SARM1: variants seen among roughly 807,000 people sequenced by gnomAD.
The protein encoded by SARM1 is sterile alpha and TIR motif containing 1.
SARM1 carries 60 observed loss-of-function variants against 65.1 expected under a neutral mutation model. The observed-to-expected ratio is 0.92, with a 90% confidence interval of 0.75 to 1.14. The LOEUF (loss-of-function observed/expected upper bound fraction) is 1.14. SARM1 is among the 50% of genes most tolerant of loss of function. The pLI, the probability that SARM1 is intolerant of heterozygous loss-of-function variation, is 0.00. For synonymous variants in SARM1, 417 were observed against 465.4 expected (o/e 0.90, Z 1.34); for missense variants, 913 against 1,015.7 (o/e 0.90, Z 1.37).
Position 28,372,493 on chromosome 17 carries a change from CTGAGAACCGG to C in SARM1, c.466_470+5del. On this transcript the variant is annotated splice_donor_variant and coding_sequence_variant, in exon 1 of 9. Transcript: ENST00000585482. LOFTEE classifies it high-confidence loss of function. The surrounding 1 kb of genome is among the most constrained non-coding windows in gnomAD (Gnocchi z 5.2). ...CGCCTGCTGGAGCAGATCCTGGTGG[CTGAGAACCGG>C]TGAGCGCGCCAGGCCGGGGTTGGGA... is the stretch of plus-strand genomic sequence containing the variant. The C allele has an allele frequency of 6.5e-7, 1 of 1,528,184 alleles. No individual in the cohort carries two copies. Among genetic ancestry groups the C allele is most frequent in the Non-Finnish European group, 8.7e-7 (1 of 1,144,510 alleles). 94.7% of individuals were successfully genotyped at this position (1,528,184 alleles called of 1,614,324 possible).
intron 7 of SARM1, among the ~76,000 whole-genome samples, chr17:28,392,998 G>A (rs2068088318): frequency 1.3e-5 from 2 of 152,238 alleles, no homozygotes; most frequent in African/African-American, 4.8e-5. Context: ...AAATCCCTTT[G>A]GTTCCCTCTT....
chr17:28,379,958 C>T (rs1385591810), intron 1 of SARM1, among the ~76,000 whole-genome samples: 2 of 151,642 alleles, frequency 1.3e-5, no homozygotes, highest in African/African-American at 4.8e-5. Context: ...TGTTTATGTC[C>T]TTTGCCCATT....
Position 28,384,787 on chromosome 17 carries a change from G to A in SARM1, c.1303-52G>A, listed in dbSNP as rs1555585711. ...TCCTTCCCTTGCATCTTGTGCTCGAGGTCCAAGGGCGGAGTAGCGAAGCCC... is the reference window on the plus strand; with the variant it reads ...TCCTTCCCTTGCATCTTGTGCTCGAAGTCCAAGGGCGGAGTAGCGAAGCCC... On this transcript the variant is annotated intron_variant, in intron 3 of 8. Transcript: ENST00000585482. The surrounding 1 kb of genome is among the most constrained non-coding windows in gnomAD (Gnocchi z 4.4). 3 of 1,493,250 alleles carry A rather than the reference G, an allele frequency of 2.0e-6. No homozygotes were observed. The highest frequency in any genetic ancestry group is 2.5e-5 in the East Asian group (1 of 40,592). The allele number at this position is 1,493,250 out of a possible 1,614,324, so 92.5% of individuals were successfully genotyped here.
chr17:28,383,926 G>T (rs1233663518), intron 2 of SARM1, among the ~76,000 whole-genome samples: 2 of 152,188 alleles, frequency 1.3e-5, no homozygotes, highest in Admixed American at 6.5e-5. Context: ...AAGAACTAAG[G>T]GTTTGGAAAC....
chr17:28,393,380 C>T (rs1017501810), intron 7 of SARM1, among the ~76,000 whole-genome samples: 3 of 152,018 alleles, frequency 2.0e-5, no homozygotes, highest in African/African-American at 7.2e-5. Flanking sequence ...GAAACCCCAT[C>T]TCTACTAAAA....
chr17:28,387,366 A>G (rs1270394198), intron 5 of SARM1, among the ~76,000 whole-genome samples: 2 of 151,734 alleles, frequency 1.3e-5, no homozygotes, highest in African/African-American at 4.8e-5. Flanking sequence ...CCAAGTAGCT[A>G]GATTACAGAC....
At chr17:28,395,836 C>A (rs2068114534) in intron 7 of SARM1, 69 bp from the exon 8 acceptor site, 2 of 1,592,390 alleles carry the variant, frequency 1.3e-6, no homozygotes, top group Admixed American at 3.3e-5. Flanking sequence ...GGCCTCCCAG[C>A]ACCTGCCTGG....
At chr17:28,376,990 A>G (rs1212760546) in intron 1 of SARM1, among the ~76,000 whole-genome samples, 1 of 152,058 alleles carries the variant, frequency 6.6e-6, no homozygotes, top group African/African-American at 2.4e-5. Flanking sequence ...GAGTTTCACC[A>G]TGTTGGCCAG....
In SARM1 at chr17:28,385,702, G is replaced by A. The variant is rs569722536; in HGVS notation, c.1630+427G>A. On this transcript the variant is annotated intron_variant, in intron 5 of 8. Transcript: ENST00000585482. This position sits in a 1 kb window ranked among gnomAD's most constrained non-coding sequence, Gnocchi z 4.5. ...GCGGCCTATGGAGAGTCCATGCAGT[G>A]GGGTGTAGGCGGGAAGGGTGTGCGT... Among the ~76,000 whole-genome samples, 1 of 152,244 alleles carries A rather than the reference G, an allele frequency of 6.6e-6. No individual in the cohort carries two copies. The highest frequency in any genetic ancestry group is 2.1e-4 in the South Asian group (1 of 4,814).
In SARM1 at chr17:28,384,606, G is replaced by C; in HGVS notation, c.1302+37G>C. On this transcript the variant is annotated intron_variant, in intron 3 of 8. Coordinates refer to ENST00000585482, the MANE Select transcript of SARM1 (RefSeq NM_015077.4). The surrounding 1 kb of genome is among the most constrained non-coding windows in gnomAD (Gnocchi z 4.4). ...TGGGATACGCCTCCCCCGAGTCAGA[G>C]CGGGCGCCCTGTGCACAGGGACTGC... is the stretch of plus-strand genomic sequence containing the variant. The C allele has an allele frequency of 6.5e-7, 1 of 1,533,112 alleles. No homozygotes were observed. The highest frequency in any genetic ancestry group is 8.8e-7 in the Non-Finnish European group (1 of 1,134,520). The allele number at this position is 1,533,112 out of a possible 1,614,324, so 95.0% of individuals were successfully genotyped here.
rs1555585362 is a variant in SARM1, at chr17:28,381,839, G to T, written c.1089+18G>T. 9 of 1,425,366 alleles carry T rather than the reference G, an allele frequency of 6.3e-6. No individual in the cohort carries two copies. Among genetic ancestry groups the T allele is most frequent in the Non-Finnish European group, 2.7e-6 (3 of 1,091,832 alleles). The allele number at this position is 1,425,366 out of a possible 1,614,324, so 88.3% of individuals were successfully genotyped here. ...AGACCAAGGTGGGTGCAGATGTGGGGTTGGGTGGATCAGGGGTTAGAGAGC... is the reference window on the plus strand; with the variant it reads ...AGACCAAGGTGGGTGCAGATGTGGGTTTGGGTGGATCAGGGGTTAGAGAGC... On this transcript the variant is annotated intron_variant, in intron 2 of 8. Transcript: ENST00000585482.
chr17:28,380,057 C>CTTTTTTTTTTTTTTTTTTTCTTTTTT (rs61029083), intron 1 of SARM1, among the ~76,000 whole-genome samples: 1 of 106,102 alleles, frequency 9.4e-6, no homozygotes, highest in East Asian at 2.7e-4. Context: ...TTTTTCTTTT[C>CTTTTTTTTTTTTTTTTTTTCTTTTTT]TTTTTTTTTT....
Position 28,398,921 on chromosome 17 carries a change from A to G in SARM1, c.*2635A>G, listed in dbSNP as rs2068162438. 6.6e-6 allele frequency: 1 copy of G among 152,272 alleles called. No individual in the cohort carries two copies. The highest frequency in any genetic ancestry group is 2.4e-5 in the African/African-American group (1 of 41,456). 9.4% of individuals were successfully genotyped at this position (152,272 alleles called of 1,614,324 possible). A position where few individuals can be genotyped will look rare whatever the true frequency, so the allele number is the denominator to read the frequency against. On this transcript the variant is annotated 3_prime_UTR_variant, in exon 9 of 9. Transcript: ENST00000585482. ...TGGCCCCACTTGGTACCAATCCACC[A>G]GGCAGCTCAGGGCTCCTGCCCAGCC...
At position 28,372,049 on chromosome 17, in the gene SARM1, TTC is replaced by T. The variant is rs1555584086; in HGVS notation, c.22_23del (p.Ser8ArgfsTer147). Reference sequence around the variant, plus strand: ...CCCGCGCCCATGGTCCTGACGCTGCTTCTCTCCGCCTACAAGCTGTGTCGCTT... The same window carrying T: ...CCCGCGCCCATGGTCCTGACGCTGCTTCTCCGCCTACAAGCTGTGTCGCTT... On this transcript the variant is annotated frameshift_variant, in exon 1 of 9. Coordinates refer to ENST00000585482, the MANE Select transcript of SARM1 (RefSeq NM_015077.4). LOFTEE classifies it high-confidence loss of function. The surrounding 1 kb of genome is among the most constrained non-coding windows in gnomAD (Gnocchi z 5.2). 5 of 1,506,336 alleles carry T rather than the reference TTC, an allele frequency of 3.3e-6. No homozygotes were observed. The South Asian group carries it at 4.9e-5, about 15-fold the overall frequency. The allele number at this position is 1,506,336 out of a possible 1,614,324, so 93.3% of individuals were successfully genotyped here. A position where few individuals can be genotyped will look rare whatever the true frequency, so the allele number is the denominator to read the frequency against.
At position 28,384,268 on chromosome 17, in the gene SARM1, T is replaced by G; in HGVS notation, c.1090-89T>G. 22 of 1,113,996 alleles carry G rather than the reference T, an allele frequency of 2.0e-5. No individual in the cohort carries two copies. Among genetic ancestry groups the G allele is most frequent in the Non-Finnish European group, 2.3e-5 (18 of 783,606 alleles). 69.0% of individuals were successfully genotyped at this position (1,113,996 alleles called of 1,614,324 possible). On this transcript the variant is annotated intron_variant, in intron 2 of 8. Transcript: ENST00000585482. The surrounding 1 kb of genome is among the most constrained non-coding windows in gnomAD (Gnocchi z 4.4). ...GGGCAGATGGAGAGACTTTGGGTTG[T>G]GAGAAGAGACAAGGAGAGGGACTGG... is the stretch of plus-strand genomic sequence containing the variant.
At chr17:28,380,868 A>G (rs1555585104) in intron 1 of SARM1, among the ~76,000 whole-genome samples, 1 of 152,228 alleles carries the variant, frequency 6.6e-6, no homozygotes, top group African/African-American at 2.4e-5. Flanking sequence ...AAGCTGCCCA[A>G]AGGTCTCCTT....
chr17:28,394,841 G>A (rs2068101089), intron 7 of SARM1: 1 of 152,186 alleles, frequency 6.6e-6, no homozygotes, highest in African/African-American at 2.4e-5. Context: ...AGGAATTTTA[G>A]CAGGATTACA....
At position 28,372,004 on chromosome 17, in the gene SARM1, C is replaced by A; in HGVS notation, c.-29C>A. On this transcript the variant is annotated 5_prime_UTR_variant, in exon 1 of 9. Coordinates refer to ENST00000585482, the MANE Select transcript of SARM1 (RefSeq NM_015077.4). The surrounding 1 kb of genome is among the most constrained non-coding windows in gnomAD (Gnocchi z 5.2). ...CTCTCCGCGTGGCCCCGCCTCCAGG[C>A]CGGGGATGTCCCCCGCGGCCCCGCG... The A allele has an allele frequency of 6.9e-7, 1 of 1,439,774 alleles. No homozygotes were observed. 89.2% of individuals were successfully genotyped at this position (1,439,774 alleles called of 1,614,324 possible). A position where few individuals can be genotyped will look rare whatever the true frequency, so the allele number is the denominator to read the frequency against.
At position 28,399,557 on chromosome 17, in the gene SARM1, G is replaced by A. The variant is rs782585207; in HGVS notation, c.*3271G>A. ...AAGAGAGCACTGCCCTTAGACAAGA[G>A]TTGCTTGTCCTGCTGTGGGCTGGGC... On this transcript the variant is annotated 3_prime_UTR_variant, in exon 9 of 9. Transcript: ENST00000585482. 6 of 1,260,730 alleles carry A rather than the reference G, an allele frequency of 4.8e-6. No homozygotes were observed. Among genetic ancestry groups the A allele is most frequent in the Non-Finnish European group, 6.9e-6 (6 of 871,290 alleles). The allele number at this position is 1,260,730 out of a possible 1,614,324, so 78.1% of individuals were successfully genotyped here.
Sources: gnomAD v4.1 joint callset for allele counts (sites outside exome capture counted in the v4.1 genomes callset) on GRCh38, gnomAD v4.1.1 for gene constraint, Gnocchi (gnomAD v3.1) non-coding constraint, MANE v1.5 for transcripts, NCBI Gene and HGNC (gene_info 2026-07-23, HGNC 2026-07-21) for gene names.